KIF16B: variants seen among roughly 807,000 people sequenced by gnomAD.
The protein encoded by KIF16B is kinesin-like protein KIF16B.
Under a neutral mutation model 156.3 loss-of-function variants are expected in KIF16B, and 98 were observed. That is an observed-to-expected ratio of 0.63 (90% CI 0.53 to 0.74). The LOEUF is 0.74. Ranked by LOEUF, KIF16B falls within the 30% of genes least tolerant of loss-of-function variation. The probability of loss-of-function intolerance (pLI) is 0.00; values close to 1 mark genes in which losing one functional copy is unlikely to be tolerated. For missense variants in KIF16B, 1,421 were observed against 1,606.5 expected (o/e 0.88, Z 1.97); for synonymous variants, 564 against 583.7 (o/e 0.97, Z 0.49).
intron 24 of KIF16B, among the ~76,000 whole-genome samples, chr20:16,331,788 C>T (rs941655539): frequency 3.3e-5 from 5 of 152,100 alleles, no homozygotes; most frequent in Admixed American, 2.0e-4. Flanking sequence ...TTTAGCAAAT[C>T]AAGTGATTTC....
chr20:16,426,870 A>C (rs2066366917), intron 15 of KIF16B, among the ~76,000 whole-genome samples: 1 of 152,138 alleles, frequency 6.6e-6, no homozygotes, highest in Admixed American at 6.5e-5. Flanking sequence ...CTCCATAACA[A>C]CAACTTTTAA....
In KIF16B at chr20:16,494,208, T is replaced by C. The variant is rs2068379495; in HGVS notation, c.1302+83A>G. ...ACCTTAACAAAGTATACAACTGCCA[T>C]GTTTGGAGATTAAAAAAAAAAAAAA... On this transcript the variant is annotated intron_variant, in intron 12 of 25. Transcript: ENST00000354981. 44 of 777,676 alleles carry C rather than the reference T, an allele frequency of 5.7e-5. 1 individual carries two copies. The South Asian group carries it at 7.3e-4, about 13-fold the overall frequency. 48.2% of individuals were successfully genotyped at this position (777,676 alleles called of 1,614,324 possible).
intron 12 of KIF16B, among the ~76,000 whole-genome samples, chr20:16,439,531 C>T (rs1439644566): frequency 6.6e-6 from 1 of 152,136 alleles, no homozygotes; most frequent in Non-Finnish European, 1.5e-5. Flanking sequence ...TTTAGTCTGC[C>T]TGGAAAATTC....
intron 25 of KIF16B, among the ~76,000 whole-genome samples, chr20:16,297,423 T>G (rs916618776): frequency 2.0e-5 from 3 of 152,236 alleles, no homozygotes; most frequent in African/African-American, 7.2e-5. Flanking sequence ...CCAGGCATGG[T>G]GGCTCACGCC....
At chr20:16,400,393 C>G (rs1049556465) in intron 17 of KIF16B, among the ~76,000 whole-genome samples, 2 of 152,152 alleles carry the variant, frequency 1.3e-5, no homozygotes, top group African/African-American at 4.8e-5. Flanking sequence ...AAACTGGAAC[C>G]CTTGTGCCCT....
At chr20:16,417,316 A>G (rs1161047774) in intron 15 of KIF16B, among the ~76,000 whole-genome samples, 1 of 152,174 alleles carries the variant, frequency 6.6e-6, no homozygotes, top group East Asian at 1.9e-4. Context: ...GCCAACGGGT[A>G]GTACACCCAC....
Position 16,377,406 on chromosome 20 carries a change from A to G in KIF16B, c.3197+1399T>C, listed in dbSNP as rs551728432. 2.0e-5 allele frequency among the ~76,000 whole-genome samples: 3 copies of G among 151,652 alleles called. No individual in the cohort carries two copies. The South Asian group carries it at 6.3e-4, about 32-fold the overall frequency. On this transcript the variant is annotated intron_variant, in intron 19 of 25. Coordinates refer to ENST00000354981, the MANE Select transcript of KIF16B (RefSeq NM_024704.5). Reference sequence around the variant, plus strand: ...GAAACCCCATCTCTAAAAAAATAAAATACATAAAATAAATAAATAAATAAA... The same window carrying G: ...GAAACCCCATCTCTAAAAAAATAAAGTACATAAAATAAATAAATAAATAAA...
At chr20:16,320,208 A>G (rs2063754121) in intron 24 of KIF16B, among the ~76,000 whole-genome samples, 1 of 152,172 alleles carries the variant, frequency 6.6e-6, no homozygotes, top group African/African-American at 2.4e-5. Context: ...ACATCAACCA[A>G]TAAACCTAGC....
intron 15 of KIF16B, 150 bp downstream of exon 15, chr20:16,426,954 G>C (rs892176729): frequency 2.5e-5 from 14 of 567,264 alleles, no homozygotes; most frequent in African/African-American, 9.5e-5. Context: ...CAGCCAAACA[G>C]AAGAGAAACA....
rs144123283 is a variant in KIF16B, at chr20:16,441,668, G to T, written c.1303-11686C>A. On this transcript the variant is annotated intron_variant, in intron 12 of 25. Coordinates refer to ENST00000354981, the MANE Select transcript of KIF16B (RefSeq NM_024704.5). ...AAGCTCTCAGGAATTTTACATCCAG[G>T]GTTGGGCTATGATTTTCTGTATCCT... is the stretch of plus-strand genomic sequence containing the variant. 4.1e-3 allele frequency among the ~76,000 whole-genome samples: 631 copies of T among 152,206 alleles called. 4 individuals carry two copies. The highest frequency in any genetic ancestry group is 0.014 in the Middle Eastern group (4 of 294).
intron 12 of KIF16B, among the ~76,000 whole-genome samples, chr20:16,441,432 T>C (rs1314412151): frequency 6.6e-6 from 1 of 152,196 alleles, no homozygotes; most frequent in African/African-American, 2.4e-5. Flanking sequence ...TCCTCTGCAC[T>C]GACCAGTTAT....
intron 17 of KIF16B, among the ~76,000 whole-genome samples, chr20:16,398,970 T>G (rs1021054537): frequency 2.0e-5 from 3 of 152,158 alleles, no homozygotes; most frequent in Non-Finnish European, 2.9e-5. Flanking sequence ...GACACCTGCT[T>G]TGTATTACAC....
chr20:16,444,305 A>G (rs529119381), intron 12 of KIF16B, among the ~76,000 whole-genome samples: 2 of 152,364 alleles, frequency 1.3e-5, no homozygotes, highest in South Asian at 2.1e-4. Flanking sequence ...CTGAAGGCCA[A>G]ATAAGGCTGT....
chr20:16,411,881 C>T (rs2065964473), intron 15 of KIF16B, among the ~76,000 whole-genome samples: 1 of 151,164 alleles, frequency 6.6e-6, no homozygotes. Context: ...GTTATGCTGG[C>T]CCTCAAAAAC....
At chr20:16,445,780 C>T (rs181177910) in intron 12 of KIF16B, among the ~76,000 whole-genome samples, 2 of 152,140 alleles carry the variant, frequency 1.3e-5, no homozygotes, top group East Asian at 3.9e-4. Flanking sequence ...AGAGTAAGTG[C>T]CAAAATTAAA....
At chr20:16,472,553 TAAAAAAA>T (rs11318601) in intron 12 of KIF16B, among the ~76,000 whole-genome samples, 1 of 113,562 alleles carries the variant, frequency 8.8e-6, no homozygotes, top group African/African-American at 3.4e-5. Context: ...CATCTGAAAT[TAAAAAAA>T]AAAAAAAAAA....
At chr20:16,447,476 T>C (rs1056567342) in intron 12 of KIF16B, among the ~76,000 whole-genome samples, 1 of 151,878 alleles carries the variant, frequency 6.6e-6, no homozygotes, top group East Asian at 1.9e-4. Flanking sequence ...AAAAGTCCAA[T>C]AAAAATGCCT....
At chr20:16,273,557 G>T in intron 25 of KIF16B, 146 bp from the exon 26 acceptor site, 1 of 638,808 alleles carries the variant, frequency 1.6e-6, no homozygotes, top group Admixed American at 2.7e-5. Context: ...TGGACAGGGT[G>T]GTGCACTGAG....
At position 16,477,109 on chromosome 20, in the gene KIF16B, A is replaced by G. The variant is rs573362323; in HGVS notation, c.1302+17182T>C. 7.9e-5 allele frequency among the ~76,000 whole-genome samples: 12 copies of G among 152,034 alleles called. No individual in the cohort carries two copies. In the South Asian group the frequency reaches 2.5e-3, roughly 32 times the overall value. The stretch of plus-strand genomic sequence containing the variant: ...AGAGCACTGGATTAGAAATGAGAAA[A>G]CAGAATCTAGCCCTGGGTCTACCTA... On this transcript the variant is annotated intron_variant, in intron 12 of 25. Coordinates refer to ENST00000354981, the MANE Select transcript of KIF16B (RefSeq NM_024704.5).
Sources: gnomAD v4.1 joint callset for allele counts (sites outside exome capture counted in the v4.1 genomes callset) on GRCh38, gnomAD v4.1.1 for gene constraint, MANE v1.5 for transcripts, NCBI Gene and HGNC (gene_info 2026-07-23, HGNC 2026-07-21) for gene names.